Variants in EEFSEC observed in about 807,000 individuals in gnomAD.
The protein encoded by EEFSEC is eukaryotic elongation factor, selenocysteine-tRNA specific, also known as selenocysteine-specific elongation factor.
In EEFSEC, 43 loss-of-function variants were observed where a neutral mutation model predicts 42.1. The observed-to-expected ratio is 1.02, with a 90% CI of 0.80 to 1.32. The LOEUF (loss-of-function observed/expected upper bound fraction) is 1.32, where lower values mean the gene tolerates loss of function less well. Ranked by LOEUF, EEFSEC falls within the 40% of genes most tolerant of loss-of-function variation. The pLI is 0.00. For synonymous variants in EEFSEC, 354 were observed against 339.1 expected, an observed-to-expected ratio of 1.04 and a Z score of -0.48; for missense variants, 745 against 803.6, an observed-to-expected ratio of 0.93 and a Z score of 0.88.
At chr3:128,161,626 G>A (rs1038014935) in intron 1 of EEFSEC, among the ~76,000 whole-genome samples, 3 of 152,176 alleles carry the variant, frequency 2.0e-5, no homozygotes, top group South Asian at 4.1e-4. Flanking sequence ...CAAGATTTTT[G>A]TCTCTGCAGC....
At chr3:128,168,544 C>G (rs1000828219) in intron 1 of EEFSEC, among the ~76,000 whole-genome samples, 2 of 152,210 alleles carry the variant, frequency 1.3e-5, no homozygotes. Flanking sequence ...CTGGCCTGAG[C>G]CTTTCTGAGT....
intron 1 of EEFSEC, among the ~76,000 whole-genome samples, chr3:128,206,904 AGGAAGAGCAGTGGGT>A (rs2065702979): frequency 1.3e-5 from 2 of 152,126 alleles, no homozygotes; most frequent in East Asian, 3.9e-4. Context: ...CTGGAGTTGT[AGGAAGAGCAGTGGGT>A]GGACAGCCAG....
chr3:128,161,576 A>G (rs1051278028), intron 1 of EEFSEC, among the ~76,000 whole-genome samples: 21 of 152,312 alleles, frequency 1.4e-4, no homozygotes, highest in African/African-American at 5.1e-4. Context: ...AGTCTGACTC[A>G]GGTTACTCTC....
intron 1 of EEFSEC, among the ~76,000 whole-genome samples, chr3:128,232,515 C>T (rs1210987893): frequency 6.6e-6 from 1 of 152,114 alleles, no homozygotes; most frequent in Non-Finnish European, 1.5e-5. Context: ...GAACATTTTC[C>T]ACAATCCTAT....
At position 128,153,591 on chromosome 3, in the gene EEFSEC, C is replaced by G. The variant is rs773830305; in HGVS notation, c.84C>G (p.Ser28Arg). ...AGACGGCGCTGGCGCGGGCGCTAAG[C>G]ACCACAGCCTCCACCGCCGCCTTTG... ...SGKTALARAL[S>R]TTASTAAFDK... The change falls in exon 1 of 7, where the codon AGC (serine) becomes AGG (arginine). Residue 28 changes from serine to arginine, a missense_variant. Transcript: ENST00000254730. 8 of 1,581,644 alleles carry G rather than the reference C, an allele frequency of 5.1e-6. No homozygotes were observed. Among genetic ancestry groups the G allele is most frequent in the Admixed American group, 3.4e-5 (2 of 58,092 alleles).
intron 1 of EEFSEC, among the ~76,000 whole-genome samples, chr3:128,203,135 T>C (rs2065659282): frequency 6.6e-6 from 1 of 152,204 alleles, no homozygotes; most frequent in Non-Finnish European, 1.5e-5. Context: ...TTGTAGATAG[T>C]ATAAATGAAT....
At chr3:128,163,784 A>G (rs968141128) in intron 1 of EEFSEC, among the ~76,000 whole-genome samples, 35 of 152,278 alleles carry the variant, frequency 2.3e-4, no homozygotes, top group African/African-American at 7.0e-4. Flanking sequence ...TCATATAAGT[A>G]GATCACACAA....
At chr3:128,278,563 G>A (rs1017724473) in intron 4 of EEFSEC, among the ~76,000 whole-genome samples, 2 of 152,170 alleles carry the variant, frequency 1.3e-5, no homozygotes, top group Admixed American at 6.5e-5. Flanking sequence ...GAGAAGTTTG[G>A]GATAGGACAT....
chr3:128,179,915 A>G (rs989180134), intron 1 of EEFSEC, among the ~76,000 whole-genome samples: 5 of 152,148 alleles, frequency 3.3e-5, no homozygotes, highest in African/African-American at 1.2e-4. Context: ...TCCAAGATCC[A>G]TACTTTTTTG....
intron 4 of EEFSEC, among the ~76,000 whole-genome samples, chr3:128,306,722 A>G (rs537204847): frequency 1.3e-5 from 2 of 152,354 alleles, no homozygotes; most frequent in African/African-American, 2.4e-5. Flanking sequence ...CACTTTACAT[A>G]TATCTTCTCA....
intron 4 of EEFSEC, among the ~76,000 whole-genome samples, chr3:128,296,579 C>G (rs1458871184): frequency 1.3e-5 from 2 of 152,194 alleles, no homozygotes; most frequent in Admixed American, 1.3e-4. Flanking sequence ...GCCTGTGTCT[C>G]CTCGTCATCC....
intron 1 of EEFSEC, among the ~76,000 whole-genome samples, chr3:128,174,101 C>G (rs960885456): frequency 6.6e-6 from 1 of 152,180 alleles, no homozygotes; most frequent in Non-Finnish European, 1.5e-5. Flanking sequence ...TTGCTCTGGC[C>G]GCTGCTCTCA....
chr3:128,336,382 T>C (rs1234219912), intron 4 of EEFSEC, among the ~76,000 whole-genome samples: 1 of 152,170 alleles, frequency 6.6e-6, no homozygotes. Context: ...TTCCCCAAAC[T>C]GTATAGCCAG....
At chr3:128,404,028 A>G (rs534497738) in intron 6 of EEFSEC, among the ~76,000 whole-genome samples, 2 of 152,372 alleles carry the variant, frequency 1.3e-5, no homozygotes, top group East Asian at 3.9e-4. Context: ...GTGAAAAGGC[A>G]CAGAGGCAGG....
chr3:128,236,331 G>A (rs932279781), intron 1 of EEFSEC, among the ~76,000 whole-genome samples: 1 of 152,164 alleles, frequency 6.6e-6, no homozygotes, highest in Non-Finnish European at 1.5e-5. Context: ...CTTGGGTTCT[G>A]GAGCCACATA....
chr3:128,313,869 T>C (rs1239451257), intron 4 of EEFSEC, among the ~76,000 whole-genome samples: 1 of 152,254 alleles, frequency 6.6e-6, no homozygotes, highest in African/African-American at 2.4e-5. Flanking sequence ...GACAACCCCC[T>C]GTCTTGGGTC....
At chr3:128,207,596 CA>C (rs2065712048) in intron 1 of EEFSEC, among the ~76,000 whole-genome samples, 2 of 151,782 alleles carry the variant, frequency 1.3e-5, no homozygotes, top group South Asian at 4.2e-4. Flanking sequence ...CACACACACA[CA>C]CACACACGCT....
At chr3:128,322,826 G>GC (rs2067022510) in intron 4 of EEFSEC, among the ~76,000 whole-genome samples, 1 of 152,160 alleles carries the variant, frequency 6.6e-6, no homozygotes, top group Admixed American at 6.5e-5. Context: ...GGACCTTGCT[G>GC]CCACCCCGTC....
intron 4 of EEFSEC, among the ~76,000 whole-genome samples, chr3:128,280,328 A>T (rs2066512974): frequency 6.6e-6 from 1 of 152,242 alleles, no homozygotes; most frequent in Non-Finnish European, 1.5e-5. Flanking sequence ...GCTGGTATTC[A>T]TCTGTTTCTT....
Sources: allele counts gnomAD v4.1 joint callset (sites outside exome capture counted in the v4.1 genomes callset), GRCh38; gene constraint gnomAD v4.1.1; transcripts MANE v1.5; gene names NCBI Gene and HGNC (gene_info 2026-07-23, HGNC 2026-07-21).